Variants in PRSS57 observed in about 807,000 individuals in gnomAD.
The protein encoded by PRSS57 is neutrophil serine protease 4.
PRSS57 carries 19 observed loss-of-function variants against 20.6 expected under a neutral mutation model. The ratio of observed to expected loss-of-function variants is 0.92; its 90% CI spans 0.64 to 1.35. The LOEUF (loss-of-function observed/expected upper bound fraction) is 1.35, where lower values mean the gene tolerates loss of function less well. PRSS57 is among the 40% of genes most tolerant of loss of function. The pLI, the probability that PRSS57 is intolerant of heterozygous loss-of-function variation, is 0.00. For missense variants in PRSS57, 440 were observed against 403.7 expected (o/e 1.09, Z -0.77); for synonymous variants, 203 against 176.6 (o/e 1.15, Z -1.19).
At chr19:694,749 G>T (rs909447652) in intron 2 of PRSS57, 65 bp downstream of exon 2, 17 of 1,509,522 alleles carry the variant, frequency 1.1e-5, no homozygotes, top group Non-Finnish European at 1.3e-5. Flanking sequence ...TCCCCCACCA[G>T]CCTGGAGTCC....
At chr19:691,827 A>G in intron 3 of PRSS57, 31 bp downstream of exon 3, 1 of 1,322,488 alleles carries the variant, frequency 7.6e-7, no homozygotes, top group Non-Finnish European at 9.7e-7. Flanking sequence ...TCAAAAACTA[A>G]ACATACGTCA....
chr19:695,004 G>T, intron 1 of PRSS57, 37 bp from the exon 2 acceptor site: 3 of 1,489,030 alleles, frequency 2.0e-6, no homozygotes, highest in South Asian at 2.7e-5. Flanking sequence ...GACGAGGCGG[G>T]AGGAACGGAT....
At chr19:692,802 G>C (rs1474973456) in intron 2 of PRSS57, among the ~76,000 whole-genome samples, 9 of 151,694 alleles carry the variant, frequency 5.9e-5, no homozygotes, top group Admixed American at 2.6e-4. Context: ...AATAGTTGTG[G>C]TATTAATTTG....
chr19:686,182 A>G (rs2144805965), intron 4 of PRSS57, among the ~76,000 whole-genome samples: 1 of 152,094 alleles, frequency 6.6e-6, no homozygotes, highest in East Asian at 1.9e-4. Flanking sequence ...TGCCTGTGTG[A>G]ACATTCGAGT....
chr19:685,965 C>T (rs1158147534), intron 4 of PRSS57, 43 bp from the exon 5 acceptor site: 3 of 1,486,806 alleles, frequency 2.0e-6, no homozygotes, highest in Admixed American at 2.0e-5. Context: ...CTGGGAGCTG[C>T]TGCAGGCACA....
chr19:687,100 C>A lies in PRSS57; in HGVS notation c.467G>T (p.Cys156Phe), dbSNP rs369462563. 3.7e-6 allele frequency: 6 copies of A among 1,613,390 alleles called. No individual in the cohort carries two copies. Among genetic ancestry groups the A allele is most frequent in the African/African-American group, 2.7e-5 (2 of 74,942 alleles). ...RARPPTAGTRCRVAGWGFVSD... is the reference protein window; with the variant it reads ...RARPPTAGTRFRVAGWGFVSD... The stretch of plus-strand genomic sequence containing the variant: ...CACGAAGCCCCAGCCAGCCACCCGG[C>A]ACCGTGTCCCCGCTGTGGGGGGCCT... The change falls in exon 4 of 5, where the codon TGC becomes TTC. Residue 156 changes from cysteine (C) to phenylalanine (F), a missense_variant. Physicochemically the swap from Cys to Phe is radical, Grantham distance 205 (BLOSUM62 -2). Coordinates refer to ENST00000329267, the MANE Select transcript of PRSS57 (RefSeq NM_001308209.2).
intron 2 of PRSS57, 141 bp from the exon 3 acceptor site, chr19:692,143 G>T: frequency 2.4e-6 from 2 of 841,478 alleles, no homozygotes; most frequent in African/African-American, 1.8e-5. Flanking sequence ...GGTGAGGAGG[G>T]TGGATCACCT....
intron 2 of PRSS57, among the ~76,000 whole-genome samples, chr19:693,684 T>A (rs2031712815): frequency 1.3e-5 from 2 of 151,904 alleles, no homozygotes; most frequent in Admixed American, 1.3e-4. Flanking sequence ...TTCTCCTACC[T>A]CAGCCTCCCG....
chr19:695,047 A>G, intron 1 of PRSS57, 80 bp from the exon 2 acceptor site: 1 of 1,333,692 alleles, frequency 7.5e-7, no homozygotes, highest in Admixed American at 3.0e-5. Flanking sequence ...GGGGAGAAGT[A>G]GCGGCCAAGA....
At chr19:694,094 T>G (rs2031723000) in intron 2 of PRSS57, among the ~76,000 whole-genome samples, 1 of 150,946 alleles carries the variant, frequency 6.6e-6, no homozygotes. Context: ...CAGGCTGGTC[T>G]CATACTCCTG....
At chr19:688,901 A>G (rs2031550683) in intron 3 of PRSS57, among the ~76,000 whole-genome samples, 1 of 152,014 alleles carries the variant, frequency 6.6e-6, no homozygotes, top group Admixed American at 6.6e-5. Flanking sequence ...GCCCGGCCCC[A>G]CACAGGGACT....
Position 685,643 on chromosome 19 carries a change from T to G in PRSS57, c.*73A>C. 7.1e-7 allele frequency: 1 copy of G among 1,408,702 alleles called. No homozygotes were observed. Among genetic ancestry groups the G allele is most frequent in the Non-Finnish European group, 9.5e-7 (1 of 1,053,770 alleles). 87.3% of individuals were successfully genotyped at this position (1,408,702 alleles called of 1,614,324 possible). ...CCACCCCAACCCTGAACATCAGGCT[T>G]CCCGTGGGGCCCAGCCACGGAACAT... On this transcript the variant is annotated 3_prime_UTR_variant, in exon 5 of 5. Coordinates refer to ENST00000329267, the MANE Select transcript of PRSS57 (RefSeq NM_001308209.2).
At chr19:691,362 A>T (rs2031639463) in intron 3 of PRSS57, among the ~76,000 whole-genome samples, 1 of 151,280 alleles carries the variant, frequency 6.6e-6, no homozygotes, top group Non-Finnish European at 1.5e-5. Flanking sequence ...AAAACTAGCC[A>T]GGTCTGGTGG....
intron 4 of PRSS57, among the ~76,000 whole-genome samples, chr19:686,470 GACTTTTCCAAGGTC>G: frequency 6.6e-6 from 1 of 152,138 alleles, no homozygotes; most frequent in East Asian, 1.9e-4. Context: ...GAAATCAAGT[GACTTTTCCAAGGTC>G]ACGCATCGGG....
intron 2 of PRSS57, among the ~76,000 whole-genome samples, chr19:693,422 TG>T (rs1308029452): frequency 6.6e-6 from 1 of 151,670 alleles, no homozygotes; most frequent in African/African-American, 2.4e-5. Flanking sequence ...GTGGGTGAGA[TG>T]GGGGTGACGG....
Position 690,770 on chromosome 19 carries a change from G to A in PRSS57, c.378+1088C>T, listed in dbSNP as rs1216139406. The A allele has an allele frequency of 5.5e-5, 19 of 347,394 alleles. No individual in the cohort carries two copies. The Admixed American group carries it at 5.7e-4, about 10-fold the overall frequency. The allele number at this position is 347,394 out of a possible 1,614,324, so 21.5% of individuals were successfully genotyped here. On this transcript the variant is annotated intron_variant, in intron 3 of 4. Transcript: ENST00000329267. ...GGTAGCCACTGCCATCATCGGGGCC[G>A]TCATCCTGGCCAAGCTCTCCGTTGT...
intron 3 of PRSS57, among the ~76,000 whole-genome samples, chr19:688,744 AC>A (rs1433848343): frequency 4.0e-5 from 6 of 151,888 alleles, no homozygotes; most frequent in African/African-American, 1.2e-4. Flanking sequence ...GATGACTGGC[AC>A]CCACCACCAG....
At chr19:691,696 G>A (rs571444807) in intron 3 of PRSS57, among the ~76,000 whole-genome samples, 162 bp downstream of exon 3, 2 of 151,560 alleles carry the variant, frequency 1.3e-5, no homozygotes, top group South Asian at 2.1e-4. Context: ...GCGCGCACCT[G>A]TAATCCCATG....
intron 1 of PRSS57, 88 bp from the exon 2 acceptor site, chr19:695,055 A>T (rs887878159): frequency 8.0e-7 from 1 of 1,244,036 alleles, no homozygotes; most frequent in Non-Finnish European, 1.1e-6. Flanking sequence ...GTAGCGGCCA[A>T]GACAGAGACA....
Sources: allele counts gnomAD v4.1 joint callset (sites outside exome capture counted in the v4.1 genomes callset), GRCh38; gene constraint gnomAD v4.1.1; transcripts MANE v1.5; gene names NCBI Gene and HGNC (gene_info 2026-07-23, HGNC 2026-07-21).